The following RIC1 variants were observed in gnomAD, a reference collection of about 807,000 sequenced individuals.
The protein encoded by RIC1 is guanine nucleotide exchange factor subunit RIC1.
RIC1 carries 88 observed loss-of-function variants against 169.0 expected under a neutral mutation model. That is an observed-to-expected ratio of 0.52 (90% CI 0.44 to 0.62). RIC1 has a LOEUF of 0.62. RIC1 is among the 20% of genes least tolerant of loss of function. The probability of loss-of-function intolerance (pLI) is 0.00; values close to 1 mark genes in which losing one functional copy is unlikely to be tolerated. For missense variants in RIC1, 1,877 were observed against 1,725.5 expected, an observed-to-expected ratio of 1.09 and a Z score of -1.56; for synonymous variants, 790 against 601.5, an observed-to-expected ratio of 1.31 and a Z score of -4.59.
chr9:5,700,314 C>G (rs2130767406), intron 3 of RIC1, among the ~76,000 whole-genome samples: 1 of 152,194 alleles, frequency 6.6e-6, no homozygotes, highest in Non-Finnish European at 1.5e-5. Context: ...TCCCTTTTGC[C>G]TATCCCATAA....
chr9:5,765,906 C>A, intron 21 of RIC1, 108 bp downstream of exon 21: 1 of 1,361,946 alleles, frequency 7.3e-7, no homozygotes, highest in Non-Finnish European at 1.0e-6. Context: ...AATCCAATTG[C>A]AGTTTCTTTT....
intron 3 of RIC1, among the ~76,000 whole-genome samples, chr9:5,705,298 T>G (rs1029021238): frequency 6.6e-6 from 1 of 151,932 alleles, no homozygotes; most frequent in Non-Finnish European, 1.5e-5. Context: ...AATATTCCAT[T>G]CATGAACATA....
At chr9:5,680,074 C>A (rs1438245940) in intron 2 of RIC1, among the ~76,000 whole-genome samples, 1 of 152,120 alleles carries the variant, frequency 6.6e-6, no homozygotes, top group Admixed American at 6.5e-5. Flanking sequence ...TTGTCAAAGG[C>A]CTTTTCTGCA....
intron 2 of RIC1, among the ~76,000 whole-genome samples, chr9:5,661,346 A>G (rs564239817): frequency 6.6e-6 from 1 of 152,304 alleles, no homozygotes; most frequent in East Asian, 1.9e-4. Context: ...GAATTTTAAA[A>G]TAGCTTTTTT....
At chr9:5,677,833 G>A (rs964456700) in intron 2 of RIC1, among the ~76,000 whole-genome samples, 1 of 151,380 alleles carries the variant, frequency 6.6e-6, no homozygotes, top group Non-Finnish European at 1.5e-5. Context: ...TTCTCACCAT[G>A]TTTACTCTTT....
chr9:5,762,329 G>A (rs980830979), intron 17 of RIC1, among the ~76,000 whole-genome samples: 3 of 152,122 alleles, frequency 2.0e-5, no homozygotes. Context: ...GTCACTGGTG[G>A]TGTTCATTAA....
At chr9:5,732,238 T>C (rs1824413739) in intron 6 of RIC1, 150 bp from the exon 7 acceptor site, 1 of 607,510 alleles carries the variant, frequency 1.6e-6, no homozygotes, top group East Asian at 2.9e-5. Context: ...TAAGGGAGAC[T>C]ATTGTGGTAG....
At chr9:5,704,235 TAAAG>T (rs1822417683) in intron 3 of RIC1, among the ~76,000 whole-genome samples, 1 of 152,042 alleles carries the variant, frequency 6.6e-6, no homozygotes, top group Non-Finnish European at 1.5e-5. Context: ...TTTATTTTTT[TAAAG>T]AAAGCTTCTT....
Position 5,774,305 on chromosome 9 carries a change from G to C in RIC1, c.*59G>C. On this transcript the variant is annotated 3_prime_UTR_variant, in exon 26 of 26. Coordinates refer to ENST00000414202, the MANE Select transcript of RIC1 (RefSeq NM_020829.4). ...TTAGCAGCAGCGTGCAGCTCAGTAC[G>C]TTGTAACATAGTTGGATGATTTAAC... is the stretch of plus-strand genomic sequence containing the variant. 5 of 1,407,604 alleles carry C rather than the reference G, an allele frequency of 3.6e-6. No homozygotes were observed. In the South Asian group the frequency reaches 4.6e-5, roughly 13 times the overall value. 87.2% of individuals were successfully genotyped at this position (1,407,604 alleles called of 1,614,324 possible). A position where few individuals can be genotyped will look rare whatever the true frequency, so the allele number is the denominator to read the frequency against.
At chr9:5,648,496 T>C (rs1818643311) in intron 1 of RIC1, among the ~76,000 whole-genome samples, 1 of 152,206 alleles carries the variant, frequency 6.6e-6, no homozygotes, top group Non-Finnish European at 1.5e-5. Flanking sequence ...GGGGTGCAAA[T>C]ATCCCTTTGA....
chr9:5,737,650 G>T (rs1824803611), intron 7 of RIC1, among the ~76,000 whole-genome samples: 1 of 151,554 alleles, frequency 6.6e-6, no homozygotes, highest in Non-Finnish European at 1.5e-5. Flanking sequence ...CAGCCCAGGG[G>T]TTAGAGGTAC....
chr9:5,724,077 T>C (rs1587026601), intron 6 of RIC1, among the ~76,000 whole-genome samples: 1 of 152,288 alleles, frequency 6.6e-6, no homozygotes, highest in Middle Eastern at 3.4e-3. Context: ...TTAAAGTAGT[T>C]TTTTCCAACT....
intron 23 of RIC1, among the ~76,000 whole-genome samples, chr9:5,771,504 T>C (rs1242531361): frequency 2.6e-5 from 4 of 152,200 alleles, no homozygotes; most frequent in African/African-American, 9.6e-5. Context: ...ATAATATTTC[T>C]GTGAGACTCT....
intron 4 of RIC1, among the ~76,000 whole-genome samples, chr9:5,718,291 C>G (rs941541200): frequency 5.9e-5 from 9 of 151,794 alleles, no homozygotes; most frequent in African/African-American, 2.2e-4. Flanking sequence ...GTCTTTACAG[C>G]TAGTTTTCAT....
rs982268642 is a variant in RIC1 at position 5,769,136 on chromosome 9, G to A, written c.3304G>A (p.Ala1102Thr). ...GCTATGCAAGGAACGTACCCGAGCC[G>A]CCCGGGTAGACAACTTTGTAATAGC... ...SWLCKERTRA[A>T]RVDNFVIALK... Residue 1102 changes from alanine (A) to threonine (T), a missense_variant, in exon 22 of 26, where the codon GCC becomes ACC. Physicochemically the swap from Ala to Thr is moderately conservative, Grantham distance 58 (BLOSUM62 0). This residue lies in a region of RIC1 where 681 missense variants were observed against 582.0 expected (regional missense o/e 1.17). Transcript: ENST00000414202. The A allele has an allele frequency of 5.6e-6, 9 of 1,613,978 alleles. No individual in the cohort carries two copies. In the Admixed American group the frequency reaches 8.3e-5, roughly 15 times the overall value.
intron 10 of RIC1, 64 bp from the exon 11 acceptor site, chr9:5,745,867 C>G (rs1825344719): frequency 6.6e-6 from 9 of 1,369,922 alleles, no homozygotes; most frequent in Non-Finnish European, 8.2e-6. Flanking sequence ...ATAATTGAAG[C>G]TAGAAAGGGA....
chr9:5,761,874 T>C (rs1400982987), intron 17 of RIC1, among the ~76,000 whole-genome samples: 1 of 152,232 alleles, frequency 6.6e-6, no homozygotes, highest in Non-Finnish European at 1.5e-5. Context: ...TTTTTCATTA[T>C]AAAAAGGCAG....
chr9:5,631,320 A>G (rs1232887871), intron 1 of RIC1, among the ~76,000 whole-genome samples: 1 of 152,140 alleles, frequency 6.6e-6, no homozygotes, highest in Non-Finnish European at 1.5e-5. Context: ...TGCAAAAGTT[A>G]GGCTGTAGGG....
intron 2 of RIC1, among the ~76,000 whole-genome samples, chr9:5,677,848 T>G (rs977853564): frequency 6.6e-6 from 1 of 152,132 alleles, no homozygotes; most frequent in African/African-American, 2.4e-5. Flanking sequence ...CTCTTTTTTT[T>G]TAAATTTTAT....
Sources: gnomAD v4.1 joint callset for allele counts (sites outside exome capture counted in the v4.1 genomes callset) on GRCh38, gnomAD v4.1.1 for gene constraint, gnomAD v4.1.1 regional missense constraint, MANE v1.5 for transcripts, NCBI Gene and HGNC (gene_info 2026-07-23, HGNC 2026-07-21) for gene names.